Variants in PIGN observed in about 807,000 individuals in gnomAD.
PIGN encodes the protein GPI ethanolamine phosphate transferase 1.
A neutral mutation model predicts 125.4 loss-of-function variants in PIGN; 117 were observed. The ratio of observed to expected loss-of-function variants is 0.93; its 90% CI spans 0.80 to 1.09. PIGN has a LOEUF of 1.09. PIGN is among the 50% of genes least tolerant of loss of function. PIGN has a pLI of 0.00. For missense variants in PIGN, 1,075 were observed against 1,094.9 expected (o/e 0.98, Z 0.26); for synonymous variants, 392 against 377.8 (o/e 1.04, Z -0.44).
At chr18:62,154,254 G>C (rs2036639620) in intron 7 of PIGN, 1 of 427,116 alleles carries the variant, frequency 2.3e-6, no homozygotes. Context: ...CTGATTCCAT[G>C]GTCAATGAAA....
intron 1 of PIGN, among the ~76,000 whole-genome samples, chr18:62,173,440 C>A (rs28537297): frequency 1.3e-5 from 2 of 151,832 alleles, no homozygotes; most frequent in Non-Finnish European, 2.9e-5. Context: ...CTGTGTCACC[C>A]AGGCTGGTCT....
At chr18:62,170,329 G>A (rs189238222) in intron 1 of PIGN, among the ~76,000 whole-genome samples, 2 of 152,102 alleles carry the variant, frequency 1.3e-5, no homozygotes, top group Admixed American at 6.6e-5. Context: ...CCAGCATTGA[G>A]CAAGTATATT....
chr18:62,125,143 T>TAC lies in PIGN; in HGVS notation c.1173-10505_1173-10504insGT, dbSNP rs368293706. The stretch of plus-strand genomic sequence containing the variant: ...GTATATAAATATACACGTTTGTACA[T>TAC]ATGTGTATATACATGTTTGTACATA... On this transcript the variant is annotated intron_variant, in intron 14 of 30. Coordinates refer to ENST00000640252, the MANE Select transcript of PIGN (RefSeq NM_176787.5). Among the ~76,000 whole-genome samples the TAC allele has an allele frequency of 8.2e-4, 41 of 50,286 alleles. 6 individuals are homozygous for TAC. Among genetic ancestry groups the TAC allele is most frequent in the African/African-American group, 2.3e-3 (36 of 15,628 alleles). 33.0% of individuals were successfully genotyped at this position (50,286 alleles called of 152,430 possible). A position where few individuals can be genotyped will look rare whatever the true frequency, so the allele number is the denominator to read the frequency against.
chr18:62,122,796 T>G (rs1442259123), intron 14 of PIGN, among the ~76,000 whole-genome samples: 2 of 152,180 alleles, frequency 1.3e-5, no homozygotes, highest in African/African-American at 4.8e-5. Flanking sequence ...GAGTTTAGAT[T>G]CCTTCCAGTT....
At chr18:62,098,990 G>T (rs1318672895) in intron 22 of PIGN, among the ~76,000 whole-genome samples, 1 of 149,674 alleles carries the variant, frequency 6.7e-6, no homozygotes. Flanking sequence ...TACAACATAA[G>T]ATTTGACAGA....
Position 62,085,237 on chromosome 18 carries a change from C to CA in PIGN, c.2397dup (p.Gly800TrpfsTer9), listed in dbSNP as rs867437443. Reference sequence around the variant, plus strand: ...TTAATAGAAGCTATATTTCCAGTTCCAAAAAATGCTGTCACTAAGAAGAAA... The same window carrying CA: ...TTAATAGAAGCTATATTTCCAGTTCCAAAAAAATGCTGTCACTAAGAAGAAA... On this transcript the variant is annotated frameshift_variant, in exon 26 of 31. Coordinates refer to ENST00000640252, the MANE Select transcript of PIGN (RefSeq NM_176787.5). LOFTEE classifies it high-confidence loss of function. 6.5e-6 allele frequency: 10 copies of CA among 1,543,708 alleles called. No individual in the cohort carries two copies. In the African/African-American group the frequency reaches 1.1e-4, roughly 17 times the overall value.
rs1358499702 is a variant in PIGN, at chr18:62,106,942, T to C, written c.1674+44A>G. 4.6e-6 allele frequency: 7 copies of C among 1,536,690 alleles called. No homozygotes were observed. In the African/African-American group the frequency reaches 6.9e-5, roughly 15 times the overall value. ...GGTCATTTAATACTAGTTACAAATATATAAAAGAAATTTGCAAATGTTGTA... is the reference window on the plus strand; with the variant it reads ...GGTCATTTAATACTAGTTACAAATACATAAAAGAAATTTGCAAATGTTGTA... On this transcript the variant is annotated intron_variant, in intron 18 of 30. Coordinates refer to ENST00000640252, the MANE Select transcript of PIGN (RefSeq NM_176787.5).
chr18:62,138,032 C>A, intron 14 of PIGN: 1 of 595,982 alleles, frequency 1.7e-6, no homozygotes, highest in South Asian at 2.4e-5. Flanking sequence ...TCTCTCCATT[C>A]CCTCATCCCT....
rs112370576 is a variant in PIGN, at chr18:62,070,891, G to A, written c.2672+1782C>T. ...CAGTCATGGCTCACTAAACTCTTTT[G>A]ACCTCCCAGGCTCAAGCACTTTTTC... On this transcript the variant is annotated intron_variant, in intron 30 of 30. Transcript: ENST00000640252. Among the ~76,000 whole-genome samples the A allele has an allele frequency of 5.3e-5, 8 of 151,964 alleles. 1 individual carries two copies. The highest frequency in any genetic ancestry group is 1.7e-4 in the African/African-American group (7 of 41,434).
chr18:62,023,464 C>T (rs1348729841), intron 23 of PIGN, among the ~76,000 whole-genome samples: 1 of 152,180 alleles, frequency 6.6e-6, no homozygotes, highest in Non-Finnish European at 1.5e-5. Flanking sequence ...TTTTGCTCAT[C>T]CATTCAATGG....
At chr18:62,041,156 A>G (rs747672734), downstream of PIGN, 2 of 152,210 alleles carry the variant, frequency 1.3e-5, no homozygotes, top group Non-Finnish European at 2.9e-5. Flanking sequence ...AAATCATAAG[A>G]AAACAAGTTG....
At chr18:62,159,985 C>T (rs1362021069) in intron 4 of PIGN, among the ~76,000 whole-genome samples, 28 of 152,086 alleles carry the variant, frequency 1.8e-4, no homozygotes, top group Admixed American at 1.1e-3. Context: ...TGGTGGCGGG[C>T]GCCTGTAGTC....
chr18:62,024,080 A>G (rs955848377), intron 23 of PIGN, among the ~76,000 whole-genome samples: 1 of 152,212 alleles, frequency 6.6e-6, no homozygotes, highest in African/African-American at 2.4e-5. Flanking sequence ...GGTTTTGTCT[A>G]AGAAATTAGG....
Position 62,052,067 on chromosome 18 carries a change from C to T in PIGN, c.2673-6088G>A, listed in dbSNP as rs10469250. The T allele has an allele frequency of 3.2e-3, 485 of 152,240 alleles. 6 individuals are homozygous for T. Among genetic ancestry groups the T allele is most frequent in the African/African-American group, 0.011 (466 of 41,532 alleles). 9.4% of individuals were successfully genotyped at this position (152,240 alleles called of 1,614,324 possible). A position where few individuals can be genotyped will look rare whatever the true frequency, so the allele number is the denominator to read the frequency against. On this transcript the variant is annotated intron_variant, in intron 30 of 30. Coordinates refer to ENST00000640252, the MANE Select transcript of PIGN (RefSeq NM_176787.5). ...TTTTATTGCACTGTGGTCTGAGAGA[C>T]AGTTTGTTATAATTTCTGTTCTTTT...
chr18:62,170,935 C>T (rs1034625253), intron 1 of PIGN, among the ~76,000 whole-genome samples: 2 of 152,184 alleles, frequency 1.3e-5, no homozygotes, highest in Non-Finnish European at 2.9e-5. Flanking sequence ...AACATTTCCT[C>T]AAGCCAAAGC....
intron 23 of PIGN, among the ~76,000 whole-genome samples, chr18:62,020,925 C>A (rs2030047188): frequency 6.8e-6 from 1 of 147,066 alleles, no homozygotes; most frequent in South Asian, 2.1e-4. Context: ...CGCGCCATTG[C>A]ACACTAGCCT....
rs2036651923 is a variant in PIGN, at chr18:62,154,556, C to G, written c.538G>C (p.Asp180His). 6.6e-7 allele frequency: 1 copy of G among 1,517,174 alleles called. No individual in the cohort carries two copies. The highest frequency in any genetic ancestry group is 1.4e-5 in the African/African-American group (1 of 72,808). 94.0% of individuals were successfully genotyped at this position (1,517,174 alleles called of 1,614,324 possible). A position where few individuals can be genotyped will look rare whatever the true frequency, so the allele number is the denominator to read the frequency against. ...DATKLDTWVF[D>H]NVKDFFHHAR... is the part of the protein sequence containing the mutation. Reference sequence around the variant, plus strand: ...TCAATAGCACAAACCTTAACATTATCAAAAACCCACGTATCCAGTTTTGTT... The same window carrying G: ...TCAATAGCACAAACCTTAACATTATGAAAAACCCACGTATCCAGTTTTGTT... The change falls in exon 7 of 31, where the codon GAT (aspartate) becomes CAT (histidine). Residue 180 changes from aspartate to histidine, a missense_variant. Around this residue, in one of 3 missense-constraint regions of PIGN, gnomAD observed 915 missense variants for 908.7 expected, o/e 1.01. Coordinates refer to ENST00000640252, the MANE Select transcript of PIGN (RefSeq NM_176787.5).
At chr18:62,099,800 T>C (rs1394985336) in intron 22 of PIGN, among the ~76,000 whole-genome samples, 3 of 151,870 alleles carry the variant, frequency 2.0e-5, no homozygotes, top group Non-Finnish European at 4.4e-5. Context: ...TCTTACCACA[T>C]AAAAAAGAAA....
intron 30 of PIGN, chr18:62,072,287 T>TA: frequency 6.4e-6 from 1 of 156,466 alleles, no homozygotes; most frequent in Non-Finnish European, 1.4e-5. Context: ...CCTTATAAAG[T>TA]AAAAAAGGTT....
Sources: gnomAD v4.1 joint callset for allele counts (sites outside exome capture counted in the v4.1 genomes callset) on GRCh38, gnomAD v4.1.1 for gene constraint, gnomAD v4.1.1 regional missense constraint, MANE v1.5 for transcripts, NCBI Gene and HGNC (gene_info 2026-07-23, HGNC 2026-07-21) for gene names.